FOCAD: variants seen among roughly 807,000 people sequenced by gnomAD.
The protein encoded by FOCAD is focadhesin, also known as KIAA1797.
FOCAD carries 198 observed loss-of-function variants against 225.6 expected under a neutral mutation model. That is an observed-to-expected ratio of 0.88 (90% CI 0.78 to 0.99). The LOEUF is 0.99. FOCAD is among the 50% of genes least tolerant of loss of function. The pLI, the probability that FOCAD is intolerant of heterozygous loss-of-function variation, is 0.00. For missense variants in FOCAD, 2,713 were observed against 2,123.6 expected, an observed-to-expected ratio of 1.28 and a Z score of -5.46; for synonymous variants, 897 against 755.0, an observed-to-expected ratio of 1.19 and a Z score of -3.08.
chr9:20,872,266 C>G (rs1174781860), intron 18 of FOCAD, among the ~76,000 whole-genome samples: 1 of 152,120 alleles, frequency 6.6e-6, no homozygotes, highest in Non-Finnish European at 1.5e-5. Flanking sequence ...CGCAATCTTT[C>G]TTTAGTGGCT....
rs1377151288 is a variant in FOCAD at position 20,691,906 on chromosome 9, C to T, written c.-33+7613C>T. Among the ~76,000 whole-genome samples, 7 of 151,938 alleles carry T rather than the reference C, an allele frequency of 4.6e-5. No individual in the cohort carries two copies. In the South Asian group the frequency reaches 8.3e-4, roughly 18 times the overall value. On this transcript the variant is annotated intron_variant, in intron 1 of 43. Transcript: ENST00000338382. ...CTCCTGCTTCAGCCTCTTGAGTAGC[C>T]GGGACTACAGGTGCGCACTACCACA...
intron 21 of FOCAD, among the ~76,000 whole-genome samples, chr9:20,888,717 G>T (rs902970281): frequency 1.3e-5 from 2 of 152,058 alleles, no homozygotes; most frequent in Non-Finnish European, 2.9e-5. Flanking sequence ...ATGGGGGCGG[G>T]TCTTTCCTGC....
At chr9:20,835,656 C>T (rs376528179) in intron 15 of FOCAD, among the ~76,000 whole-genome samples, 2 of 151,888 alleles carry the variant, frequency 1.3e-5, no homozygotes, top group South Asian at 4.1e-4. Flanking sequence ...CAGGATGTGC[C>T]GAAATTAAAA....
intron 19 of FOCAD, among the ~76,000 whole-genome samples, chr9:20,880,459 C>T (rs188640346): frequency 1.3e-3 from 193 of 152,286 alleles, no homozygotes; most frequent in Admixed American, 3.9e-3. Flanking sequence ...TGATGTCCTG[C>T]CAGTGACTCC....
At chr9:20,900,493 T>C (rs1430258848) in intron 21 of FOCAD, among the ~76,000 whole-genome samples, 2 of 151,992 alleles carry the variant, frequency 1.3e-5, no homozygotes, top group African/African-American at 2.4e-5. Flanking sequence ...CCTAGAAAAG[T>C]ACATATGCTG....
intron 1 of FOCAD, chr9:20,694,381 A>G (rs1047356338): frequency 4.6e-5 from 7 of 152,236 alleles, no homozygotes; most frequent in Non-Finnish European, 1.0e-4. Context: ...CTCTTATTAT[A>G]AAGTCAATCT....
chr9:20,966,678 G>A (rs143278684), intron 35 of FOCAD, among the ~76,000 whole-genome samples: 21 of 151,984 alleles, frequency 1.4e-4, no homozygotes, highest in South Asian at 8.3e-4. Context: ...CCCATTTTGC[G>A]TTAATTTTTG....
At chr9:20,694,592 T>G (rs1456881213) in intron 1 of FOCAD, 2 of 152,204 alleles carry the variant, frequency 1.3e-5, no homozygotes, top group Non-Finnish European at 2.9e-5. Context: ...CAGTTCACAT[T>G]GCAATCTTGC....
chr9:20,859,039 C>T (rs1447784499), intron 15 of FOCAD, among the ~76,000 whole-genome samples: 1 of 151,964 alleles, frequency 6.6e-6, no homozygotes, highest in Non-Finnish European at 1.5e-5. Context: ...ATTTGCTCCT[C>T]AGCACTTTTA....
intron 39 of FOCAD, among the ~76,000 whole-genome samples, chr9:20,983,702 C>T (rs1840914486): frequency 6.6e-6 from 1 of 152,012 alleles, no homozygotes; most frequent in Non-Finnish European, 1.5e-5. Flanking sequence ...GTTTGAAATC[C>T]AGCTCTGCAA....
Position 20,866,917 on chromosome 9 carries a change from T to TTAAAAAAAA in FOCAD, c.2107-12_2107-11insTAAAAAAAA. The TTAAAAAAAA allele has an allele frequency of 1.3e-6, 1 of 764,970 alleles. No individual in the cohort carries two copies. Among genetic ancestry groups the TTAAAAAAAA allele is most frequent in the Non-Finnish European group, 2.0e-6 (1 of 498,466 alleles). The allele number at this position is 764,970 out of a possible 1,614,324, so 47.4% of individuals were successfully genotyped here. ...TTTTTTTTTTTTTTTTTTTTTTTTT[T>TTAAAAAAAA]ACCCTATCTAGGACCCAATTGTAGC... is the stretch of plus-strand genomic sequence containing the variant. On this transcript the variant is annotated splice_polypyrimidine_tract_variant and intron_variant, in intron 17 of 43. Coordinates refer to ENST00000338382, the MANE Select transcript of FOCAD (RefSeq NM_001375567.1).
At chr9:20,932,181 G>T (rs890024483) in intron 27 of FOCAD, among the ~76,000 whole-genome samples, 2 of 152,128 alleles carry the variant, frequency 1.3e-5, no homozygotes, top group African/African-American at 2.4e-5. Context: ...GATATGAGGG[G>T]TGTGCGTGTG....
chr9:20,731,323 A>G (rs1490747761), intron 4 of FOCAD, among the ~76,000 whole-genome samples: 1 of 152,240 alleles, frequency 6.6e-6, no homozygotes, highest in Non-Finnish European at 1.5e-5. Flanking sequence ...GCTTGATAAT[A>G]TAAGGATATT....
chr9:20,921,335 G>A lies in FOCAD; in HGVS notation c.2853-2325G>A, dbSNP rs575351766. The stretch of plus-strand genomic sequence containing the variant: ...TTTTAAAGGACAATTTAATTAAAAC[G>A]TCGGTGGTGTTGCCTAGATAAATAC... On this transcript the variant is annotated intron_variant, in intron 24 of 43. Coordinates refer to ENST00000338382, the MANE Select transcript of FOCAD (RefSeq NM_001375567.1). Among the ~76,000 whole-genome samples, 135 of 152,262 alleles carry A rather than the reference G, an allele frequency of 8.9e-4. 1 individual carries two copies. The highest frequency in any genetic ancestry group is 5.1e-4 in the African/African-American group (21 of 41,556).
rs71334550 is a variant in FOCAD at position 20,712,730 on chromosome 9, C to CTTTT, written c.-32-2573_-32-2570dup. Among the ~76,000 whole-genome samples, 28 of 93,334 alleles carry CTTTT rather than the reference C, an allele frequency of 3.0e-4. 1 individual carries two copies. Among genetic ancestry groups the CTTTT allele is most frequent in the South Asian group, 8.1e-4 (2 of 2,464 alleles). 61.2% of individuals were successfully genotyped at this position (93,334 alleles called of 152,430 possible). A position where few individuals can be genotyped will look rare whatever the true frequency, so the allele number is the denominator to read the frequency against. On this transcript the variant is annotated intron_variant, in intron 1 of 43. Transcript: ENST00000338382. Reference sequence around the variant, plus strand: ...ATCCTTGACTCCTTTCTCCTATATTCTTTTTTTTTTTTTTTTTTTTTTGAC... The same window carrying CTTTT: ...ATCCTTGACTCCTTTCTCCTATATTCTTTTTTTTTTTTTTTTTTTTTTTTTTGAC...
Position 20,986,266 on chromosome 9 carries a change from ATTTTT to A in FOCAD, c.4729-9_4729-5del, listed in dbSNP as rs545976303. ...CAGTTAATTTAATAGTAACTAAACA[ATTTTT>A]TTTTTTTTTTTTGCAGAGCAACATA... On this transcript the variant is annotated splice_polypyrimidine_tract_variant and intron_variant, in intron 39 of 43. Coordinates refer to ENST00000338382, the MANE Select transcript of FOCAD (RefSeq NM_001375567.1). The A allele has an allele frequency of 7.2e-5, 51 of 709,952 alleles. No individual in the cohort carries two copies. Among genetic ancestry groups the A allele is most frequent in the Admixed American group, 3.0e-4 (5 of 16,666 alleles). The allele number at this position is 709,952 out of a possible 1,614,324, so 44.0% of individuals were successfully genotyped here.
chr9:20,766,243 TA>T (rs1830043613), intron 7 of FOCAD, among the ~76,000 whole-genome samples: 1 of 152,164 alleles, frequency 6.6e-6, no homozygotes, highest in Admixed American at 6.5e-5. Context: ...CTTTTTAACC[TA>T]ACAGTTATGT....
intron 15 of FOCAD, among the ~76,000 whole-genome samples, chr9:20,852,431 A>G (rs1827749900): frequency 6.7e-6 from 1 of 148,842 alleles, no homozygotes; most frequent in Non-Finnish European, 1.5e-5. Flanking sequence ...TCCATGAAGA[A>G]TTCATCAGTT....
At chr9:20,884,851 G>T (rs1047416743) in intron 20 of FOCAD, among the ~76,000 whole-genome samples, 2 of 151,816 alleles carry the variant, frequency 1.3e-5, no homozygotes, top group African/African-American at 2.4e-5. Flanking sequence ...CATGAGGTCA[G>T]CAGTTAGAGA....
Sources: gnomAD v4.1 joint callset for allele counts (sites outside exome capture counted in the v4.1 genomes callset) on GRCh38, gnomAD v4.1.1 for gene constraint, MANE v1.5 for transcripts, NCBI Gene and HGNC (gene_info 2026-07-23, HGNC 2026-07-21) for gene names.